MED12L: variants seen among roughly 807,000 people sequenced by gnomAD.
MED12L encodes mediator complex subunit 12L.
In MED12L, 60 loss-of-function variants were observed where a neutral mutation model predicts 281.3. The observed-to-expected ratio is 0.21, with a 90% CI of 0.17 to 0.26. The LOEUF (loss-of-function observed/expected upper bound fraction) is 0.26. Ranked by LOEUF, MED12L falls within the 10% of genes least tolerant of loss-of-function variation. The pLI is 1.00. For synonymous variants in MED12L, 974 were observed against 987.2 expected (o/e 0.99, Z 0.25); for missense variants, 2,146 against 2,680.9 (o/e 0.80, Z 4.41).
chr3:151,186,876 G>A (rs1006517131), intron 12 of MED12L, among the ~76,000 whole-genome samples: 1 of 152,194 alleles, frequency 6.6e-6, no homozygotes, highest in African/African-American at 2.4e-5. Flanking sequence ...CTTGTTCAGT[G>A]TTGTGTCCTT....
intron 16 of MED12L, among the ~76,000 whole-genome samples, chr3:151,204,635 T>C (rs1205322095): frequency 2.0e-5 from 3 of 152,210 alleles, no homozygotes; most frequent in African/African-American, 7.2e-5. Context: ...AGAAAAGATA[T>C]ATTTGCAGAC....
chr3:151,364,482 T>C (rs1370147926), intron 21 of MED12L, among the ~76,000 whole-genome samples: 1 of 152,216 alleles, frequency 6.6e-6, no homozygotes, highest in East Asian at 1.9e-4. Context: ...TGCCTCTCTT[T>C]TTCACAGCTG....
intron 16 of MED12L, among the ~76,000 whole-genome samples, chr3:151,253,970 A>T (rs1189364949): frequency 6.8e-6 from 1 of 147,246 alleles, no homozygotes; most frequent in African/African-American, 2.5e-5. Context: ...TACATTTGAT[A>T]TACCTTCTTT....
At chr3:151,313,716 C>T (rs775468653) in intron 16 of MED12L, among the ~76,000 whole-genome samples, 4 of 151,968 alleles carry the variant, frequency 2.6e-5, no homozygotes, top group Admixed American at 1.3e-4. Flanking sequence ...TGGTCGTGGG[C>T]GCCTATAATC....
At chr3:151,321,817 C>T (rs1366051624) in intron 16 of MED12L, among the ~76,000 whole-genome samples, 1 of 151,950 alleles carries the variant, frequency 6.6e-6, no homozygotes, top group Non-Finnish European at 1.5e-5. Flanking sequence ...TCCCTTTTAT[C>T]ACTCCCCCCA....
Position 151,416,292 on chromosome 3 carries a change from C to T in MED12L, c.6298-20C>T, listed in dbSNP as rs372159616. Reference sequence around the variant, plus strand: ...TTTCTTCTTCCTTTTAAGTGTATAACATTTTTACCCTCTTTCCAGATGCAG... The same window carrying T: ...TTTCTTCTTCCTTTTAAGTGTATAATATTTTTACCCTCTTTCCAGATGCAG... On this transcript the variant is annotated intron_variant, in intron 42 of 44. Coordinates refer to ENST00000687756, the MANE Select transcript of MED12L (RefSeq NM_001393769.1). 8.0e-5 allele frequency: 129 copies of T among 1,612,522 alleles called. No homozygotes were observed. Among genetic ancestry groups the T allele is most frequent in the Non-Finnish European group, 1.1e-4 (124 of 1,179,994 alleles).
At chr3:151,275,175 G>A (rs758509161) in intron 16 of MED12L, among the ~76,000 whole-genome samples, 5 of 152,106 alleles carry the variant, frequency 3.3e-5, no homozygotes, top group Admixed American at 6.5e-5. Context: ...AAATAATTGC[G>A]TGTGTATGAT....
At chr3:151,394,956 T>A in intron 39 of MED12L, 89 bp downstream of exon 39, 1 of 1,524,816 alleles carries the variant, frequency 6.6e-7, no homozygotes, top group Non-Finnish European at 8.9e-7. Flanking sequence ...ATATTCTTTC[T>A]GTATGCATAT....
At chr3:151,158,500 A>C (rs1292070428) in intron 6 of MED12L, among the ~76,000 whole-genome samples, 189 bp from the exon 7 acceptor site, 2 of 152,142 alleles carry the variant, frequency 1.3e-5, no homozygotes, top group Non-Finnish European at 2.9e-5. Context: ...CAGATTTCTA[A>C]AAAACAAAAA....
intron 44 of MED12L, among the ~76,000 whole-genome samples, chr3:151,432,503 C>T (rs1042999860): frequency 6.6e-6 from 1 of 152,240 alleles, no homozygotes; most frequent in Non-Finnish European, 1.5e-5. Flanking sequence ...GGGAGACACT[C>T]TGGATGGGCC....
At chr3:151,373,272 T>A (rs917094806) in intron 27 of MED12L, among the ~76,000 whole-genome samples, 2 of 152,152 alleles carry the variant, frequency 1.3e-5, no homozygotes, top group African/African-American at 2.4e-5. Flanking sequence ...ACAGAAATAA[T>A]CTTGAGTTCT....
At chr3:151,089,709 A>C (rs1719774769) in intron 2 of MED12L, among the ~76,000 whole-genome samples, 1 of 151,998 alleles carries the variant, frequency 6.6e-6, no homozygotes, top group Non-Finnish European at 1.5e-5. Context: ...GGAAGCTTTA[A>C]CCTGCCTGAT....
intron 5 of MED12L, among the ~76,000 whole-genome samples, chr3:151,137,142 C>T (rs929867214): frequency 1.9e-4 from 23 of 122,774 alleles, no homozygotes; most frequent in South Asian, 9.9e-4. Context: ...AGCCTGGTAA[C>T]AGAGGTAGAC....
At position 151,435,058 on chromosome 3, in the gene MED12L, G is replaced by GT. The variant is rs1719958061; in HGVS notation, c.*2257dup. ...CCCTGTTAATTCTGTATCTTGAGAG[G>GT]TTTCTTTTTTTTTTTTTTTTTTTTC... On this transcript the variant is annotated 3_prime_UTR_variant, in exon 45 of 45. Transcript: ENST00000687756. 8.0e-6 allele frequency: 1 copy of GT among 124,586 alleles called. No homozygotes were observed. Among genetic ancestry groups the GT allele is most frequent in the African/African-American group, 3.2e-5 (1 of 31,276 alleles). 7.7% of individuals were successfully genotyped at this position (124,586 alleles called of 1,614,324 possible).
chr3:151,121,514 G>A (rs1283274188), intron 3 of MED12L, among the ~76,000 whole-genome samples: 1 of 152,118 alleles, frequency 6.6e-6, no homozygotes, highest in Non-Finnish European at 1.5e-5. Context: ...AACTAAGGTG[G>A]TGATTCTTAT....
At chr3:151,136,375 A>G (rs894235696) in intron 5 of MED12L, among the ~76,000 whole-genome samples, 5 of 152,134 alleles carry the variant, frequency 3.3e-5, no homozygotes, top group Non-Finnish European at 7.3e-5. Context: ...TTGCCTCCAC[A>G]TTTTCACAGT....
chr3:151,346,345 G>A (rs903425056), intron 16 of MED12L, among the ~76,000 whole-genome samples: 1 of 152,120 alleles, frequency 6.6e-6, no homozygotes, highest in African/African-American at 2.4e-5. Context: ...TGAAACAAGA[G>A]TCTTTTGATG....
rs761352430 is a variant in MED12L, at chr3:151,360,570, T to C, written c.2922T>C (p.Cys974=). The C allele has an allele frequency of 3.1e-6, 5 of 1,612,860 alleles. No homozygotes were observed. Among genetic ancestry groups the C allele is most frequent in the Admixed American group, 3.3e-5 (2 of 59,952 alleles). Residue 974 remains cysteine (C), a synonymous_variant, in exon 21 of 45, where the codon TGT becomes TGC. Transcript: ENST00000687756. ...LAYLYDLYVS[C]SHLRSKFGDL... is the part of the protein sequence containing the mutation. ...ACCTCTATGATCTCTATGTGTCATG[T>C]AGCCACCTCAGAAGTAAATTTGGAG...
intron 2 of MED12L, among the ~76,000 whole-genome samples, chr3:151,096,301 T>C (rs1423411303): frequency 6.6e-6 from 1 of 152,232 alleles, no homozygotes; most frequent in Non-Finnish European, 1.5e-5. Context: ...CAATTTCTTA[T>C]AGCCATATAA....
Sources: allele counts gnomAD v4.1 joint callset (sites outside exome capture counted in the v4.1 genomes callset), GRCh38; gene constraint gnomAD v4.1.1; transcripts MANE v1.5; gene names NCBI Gene and HGNC (gene_info 2026-07-23, HGNC 2026-07-21).